The following LCA5 variants were observed in gnomAD, a reference collection of about 807,000 sequenced individuals.
LCA5 encodes lebercilin.
LCA5 carries 37 observed loss-of-function variants against 53.0 expected under a neutral mutation model. The ratio of observed to expected loss-of-function variants is 0.70; its 90% CI spans 0.54 to 0.92. LCA5 has a LOEUF of 0.92. LCA5 is among the 40% of genes least tolerant of loss of function. The probability of loss-of-function intolerance (pLI) is 0.00; values close to 1 mark genes in which losing one functional copy is unlikely to be tolerated. For missense variants in LCA5, 806 were observed against 790.5 expected, an observed-to-expected ratio of 1.02 and a Z score of -0.23; for synonymous variants, 303 against 282.9, an observed-to-expected ratio of 1.07 and a Z score of -0.71.
At chr6:79,492,070 T>G (rs75668222) in intron 5 of LCA5, among the ~76,000 whole-genome samples, 2,606 of 152,020 alleles carry the variant, frequency 0.017, 72 homozygotes, top group African/African-American at 0.059. Context: ...AAAAGGGAAA[T>G]TATACTTTTG....
At chr6:79,494,003 T>C (rs1449333614) in intron 3 of LCA5, among the ~76,000 whole-genome samples, 1 of 152,156 alleles carries the variant, frequency 6.6e-6, no homozygotes. Flanking sequence ...TGGTGGCTCA[T>C]GCCTATAATC....
At chr6:79,497,676 A>G (rs1342162764) in intron 3 of LCA5, among the ~76,000 whole-genome samples, 3 of 152,150 alleles carry the variant, frequency 2.0e-5, no homozygotes, top group African/African-American at 7.2e-5. Flanking sequence ...AACAGAAAGT[A>G]CTATAAAAGA....
intron 1 of LCA5, among the ~76,000 whole-genome samples, chr6:79,522,106 A>T (rs1766641910): frequency 6.6e-6 from 1 of 151,338 alleles, no homozygotes; most frequent in Non-Finnish European, 1.5e-5. Context: ...TTTATATATA[A>T]AAAAAATCAC....
intron 2 of LCA5, among the ~76,000 whole-genome samples, chr6:79,517,783 T>G (rs9448737): frequency 1.3e-5 from 2 of 152,140 alleles, no homozygotes; most frequent in African/African-American, 4.8e-5. Context: ...AACTTAATTA[T>G]GTCCTTGCTT....
chr6:79,499,589 A>G (rs930940759), intron 3 of LCA5, among the ~76,000 whole-genome samples: 1 of 136,546 alleles, frequency 7.3e-6, no homozygotes, highest in Admixed American at 7.3e-5. Flanking sequence ...ACTTTAAGAA[A>G]TTAAAGAAAC....
upstream of LCA5, among the ~76,000 whole-genome samples, chr6:79,538,018 GTTTTTTTTTT>G (rs869197362): frequency 0.063 from 2,783 of 44,050 alleles, 77 homozygotes; most frequent in African/African-American, 0.085. Context: ...TTGCACACAA[GTTTTTTTTTT>G]TTTTTTTTTT....
chr6:79,499,187 G>A (rs1471016776), intron 3 of LCA5, among the ~76,000 whole-genome samples: 2 of 151,938 alleles, frequency 1.3e-5, no homozygotes, highest in Non-Finnish European at 2.9e-5. Context: ...AGATCCAGAA[G>A]GATACATACT....
chr6:79,488,933 T>C, intron 7 of LCA5, 151 bp downstream of exon 7: 1 of 813,602 alleles, frequency 1.2e-6, no homozygotes, highest in Non-Finnish European at 2.0e-6. Flanking sequence ...TGTGTATGGC[T>C]CCTGATAAGC....
chr6:79,494,543 TAAATA>T (rs887805011), intron 3 of LCA5, among the ~76,000 whole-genome samples: 3 of 151,926 alleles, frequency 2.0e-5, no homozygotes, highest in Non-Finnish European at 2.9e-5. Flanking sequence ...ATTATAAGTA[TAAATA>T]AAATAACAAA....
intron 3 of LCA5, among the ~76,000 whole-genome samples, chr6:79,498,425 A>T (rs547473583): frequency 6.6e-6 from 1 of 152,168 alleles, no homozygotes; most frequent in African/African-American, 2.4e-5. Flanking sequence ...AAACCATTAA[A>T]CTCAATGAGA....
intron 3 of LCA5, among the ~76,000 whole-genome samples, chr6:79,502,208 T>G (rs1037533474): frequency 2.0e-5 from 3 of 152,136 alleles, no homozygotes; most frequent in African/African-American, 7.2e-5. Context: ...GGAATCACAT[T>G]TGCAAGGTTC....
intron 1 of LCA5, among the ~76,000 whole-genome samples, chr6:79,533,079 G>A (rs1767004067): frequency 6.6e-6 from 1 of 152,042 alleles, no homozygotes; most frequent in Non-Finnish European, 1.5e-5. Flanking sequence ...CCATTGCAAA[G>A]CTGAAATATT....
chr6:79,510,330 C>G (rs990247556), intron 3 of LCA5, among the ~76,000 whole-genome samples: 8 of 152,124 alleles, frequency 5.3e-5, no homozygotes, highest in African/African-American at 1.9e-4. Context: ...TCAACCTAAA[C>G]CTCACATTCT....
intron 1 of LCA5, among the ~76,000 whole-genome samples, chr6:79,527,889 C>T (rs1766838230): frequency 6.6e-6 from 1 of 152,168 alleles, no homozygotes; most frequent in Non-Finnish European, 1.5e-5. Flanking sequence ...ACTCCAACTC[C>T]AAACCCTAAT....
At chr6:79,496,289 C>T (rs1769982787) in intron 3 of LCA5, among the ~76,000 whole-genome samples, 2 of 152,134 alleles carry the variant, frequency 1.3e-5, no homozygotes, top group South Asian at 4.1e-4. Flanking sequence ...AAACATACAT[C>T]TACTATATAA....
intron 1 of LCA5, among the ~76,000 whole-genome samples, chr6:79,520,095 C>T (rs943407196): frequency 2.0e-5 from 3 of 151,814 alleles, no homozygotes; most frequent in Non-Finnish European, 4.4e-5. Flanking sequence ...ACAATAATTT[C>T]TGGACTCCAA....
chr6:79,529,888 T>C (rs374052187), intron 1 of LCA5, among the ~76,000 whole-genome samples: 16 of 137,828 alleles, frequency 1.2e-4, no homozygotes, highest in Middle Eastern at 4.3e-3. Context: ...TTCTCACTTA[T>C]AGGCGGGAAC....
chr6:79,519,290 C>T (rs903977964), intron 1 of LCA5, among the ~76,000 whole-genome samples: 2 of 152,098 alleles, frequency 1.3e-5, no homozygotes, highest in African/African-American at 2.4e-5. Context: ...ATAATAAGTA[C>T]CTGACATACA....
At chr6:79,497,223 G>A (rs1462810549) in intron 3 of LCA5, among the ~76,000 whole-genome samples, 1 of 152,150 alleles carries the variant, frequency 6.6e-6, no homozygotes, top group Non-Finnish European at 1.5e-5. Context: ...AAATTTTCAT[G>A]AGGAACAAGA....
Sources: allele counts gnomAD v4.1 joint callset (sites outside exome capture counted in the v4.1 genomes callset), GRCh38; gene constraint gnomAD v4.1.1; transcripts MANE v1.5; gene names NCBI Gene and HGNC (gene_info 2026-07-23, HGNC 2026-07-21).